NEDD4L: variants seen among roughly 807,000 people sequenced by gnomAD.
NEDD4L encodes NEDD4 like E3 ubiquitin protein ligase, also known as E3 ubiquitin-protein ligase NEDD4-like.
Under a neutral mutation model 148.9 loss-of-function variants are expected in NEDD4L, and 54 were observed. The ratio of observed to expected loss-of-function variants is 0.36; its 90% CI spans 0.29 to 0.45. NEDD4L has a LOEUF of 0.45. NEDD4L is among the 20% of genes least tolerant of loss of function. The pLI is 1.00. For missense variants in NEDD4L, 856 were observed against 1,233.8 expected, an observed-to-expected ratio of 0.69 and a Z score of 4.59; for synonymous variants, 433 against 440.7, an observed-to-expected ratio of 0.98 and a Z score of 0.22.
At chr18:58,234,516 G>C (rs149058022) in intron 2 of NEDD4L, among the ~76,000 whole-genome samples, 2 of 151,508 alleles carry the variant, frequency 1.3e-5, no homozygotes, top group Non-Finnish European at 2.9e-5. Context: ...AAAAAAAATC[G>C]TAGAGATAGG....
At chr18:58,082,788 CAA>C (rs376651872) in intron 1 of NEDD4L, among the ~76,000 whole-genome samples, 36 of 68,312 alleles carry the variant, frequency 5.3e-4, no homozygotes, top group Non-Finnish European at 5.6e-4. Context: ...GACTCCATCT[CAA>C]AAAAAAAAAA....
At chr18:58,338,749 C>G (rs2042079200) in intron 13 of NEDD4L, among the ~76,000 whole-genome samples, 1 of 152,108 alleles carries the variant, frequency 6.6e-6, no homozygotes, top group South Asian at 2.1e-4. Flanking sequence ...AACCCTGCCT[C>G]TACTAAAAAT....
chr18:58,248,904 G>C lies in NEDD4L; in HGVS notation c.210G>C (p.Leu70=), dbSNP rs756637892. ...CAAGATAATTTCTCTTCCAGACACT[G>C]AACCCAAAATGGAATGAAGAATTTT... The part of the protein sequence containing the change: ...LVQTKTIKKT[L]NPKWNEEFYF... Residue 70 remains leucine, a synonymous_variant, in exon 4 of 31, where the codon CTG becomes CTC. Transcript: ENST00000400345. The C allele has an allele frequency of 3.3e-6, 5 of 1,496,320 alleles. No homozygotes were observed. In the South Asian group the frequency reaches 3.7e-5, roughly 11 times the overall value. 92.7% of individuals were successfully genotyped at this position (1,496,320 alleles called of 1,614,324 possible).
chr18:58,288,505 G>A (rs1284454722), intron 5 of NEDD4L, among the ~76,000 whole-genome samples: 2 of 152,196 alleles, frequency 1.3e-5, no homozygotes, highest in Non-Finnish European at 2.9e-5. Context: ...ATTTTGTTTT[G>A]TATAGCGAAA....
At chr18:58,387,114 C>T (rs2049136358) in intron 26 of NEDD4L, among the ~76,000 whole-genome samples, 1 of 152,246 alleles carries the variant, frequency 6.6e-6, no homozygotes, top group Non-Finnish European at 1.5e-5. Flanking sequence ...CATCTGTAGC[C>T]TGTGCATCTT....
At chr18:58,074,405 C>T (rs1435598366) in intron 1 of NEDD4L, among the ~76,000 whole-genome samples, 1 of 149,136 alleles carries the variant, frequency 6.7e-6, no homozygotes, top group Non-Finnish European at 1.5e-5. Context: ...ATTACAGTTG[C>T]GTGCCACCAT....
chr18:58,368,441 A>C (rs4940669), intron 22 of NEDD4L, among the ~76,000 whole-genome samples: 1 of 152,004 alleles, frequency 6.6e-6, no homozygotes, highest in Non-Finnish European at 1.5e-5. Context: ...AGGCTTAGAG[A>C]CTTCTAAAAG....
chr18:58,381,537 C>T (rs777090070), intron 24 of NEDD4L, among the ~76,000 whole-genome samples: 2 of 152,094 alleles, frequency 1.3e-5, no homozygotes, highest in Admixed American at 6.5e-5. Context: ...CTTCCCTGTG[C>T]GAGGGGAAAG....
rs1241970429 is a variant in NEDD4L, at chr18:58,399,674, G to C, written c.*3405G>C. On this transcript the variant is annotated 3_prime_UTR_variant, in exon 31 of 31. Transcript: ENST00000400345. ...GGCTAATTTTTGTATTTTTAGTAGAGATGGTTTCACCATGCTGGCCAGGCT... is the reference window on the plus strand; with the variant it reads ...GGCTAATTTTTGTATTTTTAGTAGACATGGTTTCACCATGCTGGCCAGGCT... 4 of 152,194 alleles carry C rather than the reference G, an allele frequency of 2.6e-5. No individual in the cohort carries two copies. The highest frequency in any genetic ancestry group is 4.4e-5 in the Non-Finnish European group (3 of 68,078). 9.4% of individuals were successfully genotyped at this position (152,194 alleles called of 1,614,324 possible). A position where few individuals can be genotyped will look rare whatever the true frequency, so the allele number is the denominator to read the frequency against.
chr18:58,222,262 C>G (rs2043856161), intron 2 of NEDD4L, among the ~76,000 whole-genome samples: 1 of 152,124 alleles, frequency 6.6e-6, no homozygotes, highest in Non-Finnish European at 1.5e-5. Context: ...TACCAGCTCT[C>G]CTTTGTTTCA....
intron 5 of NEDD4L, among the ~76,000 whole-genome samples, chr18:58,260,157 C>G (rs1213903343): frequency 6.6e-6 from 1 of 151,998 alleles, no homozygotes; most frequent in African/African-American, 2.4e-5. Context: ...GGCAGCAGAA[C>G]GAGACTTTGT....
intron 1 of NEDD4L, among the ~76,000 whole-genome samples, chr18:58,103,459 T>C (rs531492441): frequency 1.3e-5 from 2 of 152,172 alleles, no homozygotes; most frequent in East Asian, 3.9e-4. Context: ...CTGCTAGTGC[T>C]TCAGTATACA....
At chr18:58,264,023 A>G (rs1312811313) in intron 5 of NEDD4L, among the ~76,000 whole-genome samples, 2 of 152,118 alleles carry the variant, frequency 1.3e-5, no homozygotes, top group East Asian at 1.9e-4. Flanking sequence ...TATCTGTTCC[A>G]TAGGACCTTA....
At chr18:58,065,838 G>A (rs1306845965) in intron 1 of NEDD4L, among the ~76,000 whole-genome samples, 6 of 152,274 alleles carry the variant, frequency 3.9e-5, no homozygotes, top group African/African-American at 1.2e-4. Context: ...AAACGTGTTT[G>A]CCACCACACA....
chr18:58,233,148 T>C (rs1048961844), intron 2 of NEDD4L, among the ~76,000 whole-genome samples: 5 of 152,234 alleles, frequency 3.3e-5, no homozygotes, highest in African/African-American at 1.2e-4. Flanking sequence ...TGCACAGATA[T>C]TAACATTCAC....
intron 19 of NEDD4L, among the ~76,000 whole-genome samples, chr18:58,361,135 A>G (rs1026987349): frequency 6.6e-6 from 1 of 152,124 alleles, no homozygotes; most frequent in Non-Finnish European, 1.5e-5. Context: ...TCCCCATGGG[A>G]GATTAAAACC....
intron 28 of NEDD4L, 37 bp from the exon 29 acceptor site, chr18:58,390,609 C>A: frequency 3.7e-6 from 5 of 1,343,884 alleles, no homozygotes; most frequent in Non-Finnish European, 5.2e-6. Context: ...CCATGGGTCA[C>A]GTGGGGGGTA....
chr18:58,357,395 T>G, intron 19 of NEDD4L, 143 bp downstream of exon 19: 1 of 812,224 alleles, frequency 1.2e-6, no homozygotes, highest in Non-Finnish European at 2.2e-6. Flanking sequence ...TGCTGCCATC[T>G]CCTTACTGAA....
intron 22 of NEDD4L, among the ~76,000 whole-genome samples, chr18:58,369,757 G>A (rs1469012190): frequency 1.3e-5 from 2 of 152,172 alleles, no homozygotes; most frequent in South Asian, 2.1e-4. Flanking sequence ...CCTGCAGGAC[G>A]CCTGAATGGT....
Sources: gnomAD v4.1 joint callset for allele counts (sites outside exome capture counted in the v4.1 genomes callset) on GRCh38, gnomAD v4.1.1 for gene constraint, MANE v1.5 for transcripts, NCBI Gene and HGNC (gene_info 2026-07-23, HGNC 2026-07-21) for gene names.